The following PCDH15 variants were observed in gnomAD, a reference collection of about 807,000 sequenced individuals.
PCDH15 encodes protocadherin related 15, also known as protocadherin-15.
A neutral mutation model predicts 178.5 loss-of-function variants in PCDH15; 129 were observed. The ratio of observed to expected loss-of-function variants is 0.72; its 90% confidence interval spans 0.63 to 0.84. The LOEUF (loss-of-function observed/expected upper bound fraction) is 0.84. Among genes scored for constraint, PCDH15 ranks in the 40% least tolerant of loss-of-function variants. The pLI is 0.00. For synonymous variants in PCDH15, 800 were observed against 732.0 expected (o/e 1.09, Z -1.50); for missense variants, 2,230 against 2,099.9 (o/e 1.06, Z -1.21).
intron 2 of PCDH15, among the ~76,000 whole-genome samples, chr10:54,580,086 C>T (rs1253211489): frequency 2.6e-5 from 4 of 151,542 alleles, no homozygotes. Context: ...ACAATCTAAA[C>T]CTAAAGCTAA....
chr10:54,268,973 C>A (rs1276396101), intron 8 of PCDH15, among the ~76,000 whole-genome samples: 1 of 151,848 alleles, frequency 6.6e-6, no homozygotes, highest in Non-Finnish European at 1.5e-5. Flanking sequence ...AATATAGAAC[C>A]TGACATTTCT....
intron 1 of PCDH15, among the ~76,000 whole-genome samples, chr10:54,768,324 T>C (rs567245267): frequency 1.1e-4 from 16 of 152,248 alleles, no homozygotes; most frequent in African/African-American, 3.9e-4. Context: ...ATGAAATGAA[T>C]GAACAGGACT....
At chr10:54,031,866 A>G (rs1171144440) in intron 18 of PCDH15, among the ~76,000 whole-genome samples, 2 of 152,048 alleles carry the variant, frequency 1.3e-5, no homozygotes, top group African/African-American at 4.8e-5. Context: ...AAATGTATTT[A>G]CATAGTAAGG....
chr10:53,964,779 T>G, intron 21 of PCDH15, among the ~76,000 whole-genome samples: 1 of 152,102 alleles, frequency 6.6e-6, no homozygotes, highest in East Asian at 1.9e-4. Context: ...TTAGAAAAAC[T>G]TTGGCCTATA....
intron 2 of PCDH15, among the ~76,000 whole-genome samples, chr10:55,611,153 C>G (rs1452523874): frequency 6.6e-6 from 1 of 151,750 alleles, no homozygotes; most frequent in Admixed American, 6.6e-5. Context: ...AATGCACATA[C>G]AACAAATGAG....
chr10:54,689,495 T>G (rs952817839), intron 1 of PCDH15, among the ~76,000 whole-genome samples: 1 of 152,160 alleles, frequency 6.6e-6, no homozygotes, highest in African/African-American at 2.4e-5. Flanking sequence ...TCTGACTACT[T>G]TCCTCATTAA....
rs1284485697 is a variant in PCDH15 at position 54,285,203 on chromosome 10, G to T, written c.876+32068C>A. Among the ~76,000 whole-genome samples, 4 of 150,700 alleles carry T rather than the reference G, an allele frequency of 2.7e-5. No individual in the cohort carries two copies. In the East Asian group the frequency reaches 5.9e-4, roughly 22 times the overall value. ...ATTGGTCTAGGCACAGGTTTTTTTG[G>T]ATAAAAACTTAAAAGCACAAACAGT... On this transcript the variant is annotated intron_variant, in intron 8 of 37. Transcript: ENST00000644397.
At chr10:54,377,534 TA>T (rs1204903886) in intron 4 of PCDH15, among the ~76,000 whole-genome samples, 3 of 152,164 alleles carry the variant, frequency 2.0e-5, no homozygotes, top group Non-Finnish European at 4.4e-5. Context: ...TAAACTGTAG[TA>T]AAATAAGAGG....
intron 20 of PCDH15, among the ~76,000 whole-genome samples, chr10:54,006,019 T>C (rs939463768): frequency 1.3e-5 from 2 of 152,042 alleles, no homozygotes; most frequent in South Asian, 4.1e-4. Context: ...ACATAATCAA[T>C]GAAGGTTAAA....
chr10:54,086,407 A>C (rs1020179173), intron 16 of PCDH15, among the ~76,000 whole-genome samples: 3 of 152,150 alleles, frequency 2.0e-5, no homozygotes, highest in Non-Finnish European at 4.4e-5. Flanking sequence ...CATCTCCAAC[A>C]TGAGGGATCG....
chr10:53,833,281 T>C (rs2077118365), intron 29 of PCDH15, among the ~76,000 whole-genome samples: 3 of 152,102 alleles, frequency 2.0e-5, no homozygotes, highest in Non-Finnish European at 4.4e-5. Flanking sequence ...CCAAACTCTC[T>C]AAAGTAAGAT....
At chr10:55,197,715 G>A (rs930994272) in intron 1 of PCDH15, among the ~76,000 whole-genome samples, 1 of 152,016 alleles carries the variant, frequency 6.6e-6, no homozygotes, top group African/African-American at 2.4e-5. Context: ...TAAATAGCAA[G>A]TGTTTATTCC....
chr10:55,410,401 T>A (rs1024488374), intron 2 of PCDH15, among the ~76,000 whole-genome samples: 1 of 152,080 alleles, frequency 6.6e-6, no homozygotes, highest in African/African-American at 2.4e-5. Context: ...AGATACCACA[T>A]AATCTGATAT....
At chr10:55,006,105 A>G (rs1839921750) in intron 2 of PCDH15, among the ~76,000 whole-genome samples, 2 of 152,214 alleles carry the variant, frequency 1.3e-5, no homozygotes, top group South Asian at 4.1e-4. Flanking sequence ...AGTAAAGAGA[A>G]TGTTAAAAAT....
intron 21 of PCDH15, among the ~76,000 whole-genome samples, chr10:53,964,444 A>ATTTT (rs1589655563): frequency 2.0e-5 from 3 of 147,114 alleles, no homozygotes; most frequent in Non-Finnish European, 3.0e-5. Context: ...ATTTTTATAA[A>ATTTT]ATTTTATTTA....
At chr10:54,157,361 T>C (rs981070311) in intron 13 of PCDH15, among the ~76,000 whole-genome samples, 5 of 152,176 alleles carry the variant, frequency 3.3e-5, no homozygotes, top group African/African-American at 1.2e-4. Context: ...ACCTGCAGGC[T>C]CAACACCATG....
At chr10:54,113,276 G>A (rs936615462) in intron 15 of PCDH15, among the ~76,000 whole-genome samples, 18 of 152,108 alleles carry the variant, frequency 1.2e-4, no homozygotes, top group African/African-American at 4.3e-4. Context: ...GTAGTACAGA[G>A]GCAGATACTA....
At chr10:54,244,022 T>A (rs923228723) in intron 8 of PCDH15, among the ~76,000 whole-genome samples, 2 of 152,204 alleles carry the variant, frequency 1.3e-5, no homozygotes, top group African/African-American at 4.8e-5. Context: ...ACATTTGAGA[T>A]AGGTATATAA....
At chr10:55,140,914 T>C (rs959479430) in intron 2 of PCDH15, among the ~76,000 whole-genome samples, 1 of 152,050 alleles carries the variant, frequency 6.6e-6, no homozygotes, top group Non-Finnish European at 1.5e-5. Context: ...CCTTTTGATG[T>C]CTACAGAATC....
Sources: gnomAD v4.1 joint callset for allele counts (sites outside exome capture counted in the v4.1 genomes callset) on GRCh38, gnomAD v4.1.1 for gene constraint, MANE v1.5 for transcripts, NCBI Gene and HGNC (gene_info 2026-07-23, HGNC 2026-07-21) for gene names.